The following TK2 variants were observed in gnomAD, a reference collection of about 807,000 sequenced individuals.
The protein encoded by TK2 is thymidine kinase 2, mitochondrial.
A neutral mutation model predicts 41.9 loss-of-function variants in TK2; 35 were observed. The observed-to-expected ratio is 0.84, with a 90% CI of 0.64 to 1.11. The LOEUF is 1.11. Ranked by LOEUF, TK2 falls within the 50% of genes least tolerant of loss-of-function variation. The pLI is 0.00. For missense variants in TK2, 320 were observed against 351.1 expected, an observed-to-expected ratio of 0.91 and a Z score of 0.71; for synonymous variants, 128 against 129.1, an observed-to-expected ratio of 0.99 and a Z score of 0.06.
chr16:66,521,439 C>T (rs986991793), intron 6 of TK2, among the ~76,000 whole-genome samples: 31 of 152,232 alleles, frequency 2.0e-4, no homozygotes, highest in African/African-American at 7.5e-4. Flanking sequence ...CTCTCCCTTC[C>T]CAATGCTCTT....
At chr16:66,519,985 A>G (rs1268527249) in intron 6 of TK2, among the ~76,000 whole-genome samples, 1 of 152,202 alleles carries the variant, frequency 6.6e-6, no homozygotes, top group African/African-American at 2.4e-5. Flanking sequence ...CACCAACTGG[A>G]GAGGGACATT....
At chr16:66,534,946 G>C (rs1312408338) in intron 4 of TK2, among the ~76,000 whole-genome samples, 1 of 152,202 alleles carries the variant, frequency 6.6e-6, no homozygotes, top group East Asian at 1.9e-4. Context: ...GCCTCCCAAA[G>C]TGCTGGGATT....
intron 6 of TK2, among the ~76,000 whole-genome samples, chr16:66,520,060 G>A (rs898098568): frequency 6.6e-6 from 1 of 152,232 alleles, no homozygotes; most frequent in Non-Finnish European, 1.5e-5. Flanking sequence ...AGAGGAGCGG[G>A]AGAGTGGACG....
chr16:66,549,917 CG>C lies in TK2; in HGVS notation c.124+20del. 7.4e-7 allele frequency: 1 copy of C among 1,348,548 alleles called. No individual in the cohort carries two copies. The highest frequency in any genetic ancestry group is 9.4e-7 in the Non-Finnish European group (1 of 1,058,984). 83.5% of individuals were successfully genotyped at this position (1,348,548 alleles called of 1,614,324 possible). ...TGGGCGCATAGGGGCTCCTGGGAGG[CG>C]GGACCAAGACGCGCGTTACCGGGAG... On this transcript the variant is annotated intron_variant, in intron 1 of 9. Transcript: ENST00000544898.
At chr16:66,525,864 G>A (rs1188119135) in intron 6 of TK2, among the ~76,000 whole-genome samples, 1 of 152,192 alleles carries the variant, frequency 6.6e-6, no homozygotes, top group Admixed American at 6.5e-5. Context: ...TGCATTCTGG[G>A]AGGGCCAGGG....
Position 66,542,024 on chromosome 16 carries a change from C to T in TK2, c.157-71G>A, listed in dbSNP as rs577721074. 4.0e-5 allele frequency: 61 copies of T among 1,509,436 alleles called. No homozygotes were observed. In the South Asian group the frequency reaches 5.2e-4, roughly 13 times the overall value. The allele number at this position is 1,509,436 out of a possible 1,614,324, so 93.5% of individuals were successfully genotyped here. A position where few individuals can be genotyped will look rare whatever the true frequency, so the allele number is the denominator to read the frequency against. ...GGGGAATGTCAGGGAATAATGGCTA[C>T]GGAAAGGGCTCATGTAACCAGCATA... On this transcript the variant is annotated intron_variant, in intron 2 of 9. Coordinates refer to ENST00000544898, the MANE Select transcript of TK2 (RefSeq NM_004614.5).
At position 66,511,429 on chromosome 16, in the gene TK2, G is replaced by C. The variant is rs921161942; in HGVS notation, c.*539C>G. Reference sequence around the variant, plus strand: ...GAGAGCCTCCAACCGGAAGAGGCAGGGCGGTGGGGAACAGCTCTCAGGAGG... The same window carrying C: ...GAGAGCCTCCAACCGGAAGAGGCAGCGCGGTGGGGAACAGCTCTCAGGAGG... On this transcript the variant is annotated 3_prime_UTR_variant, in exon 10 of 10. Coordinates refer to ENST00000544898, the MANE Select transcript of TK2 (RefSeq NM_004614.5). 4.8e-6 allele frequency: 1 copy of C among 208,804 alleles called. No individual in the cohort carries two copies. The highest frequency in any genetic ancestry group is 5.3e-5 in the Admixed American group (1 of 18,946). 12.9% of individuals were successfully genotyped at this position (208,804 alleles called of 1,614,324 possible).
At chr16:66,539,016 T>C (rs900815311) in intron 3 of TK2, among the ~76,000 whole-genome samples, 1 of 152,208 alleles carries the variant, frequency 6.6e-6, no homozygotes, top group African/African-American at 2.4e-5. Flanking sequence ...GGACTATTCT[T>C]GTGAGGGTGA....
chr16:66,522,860 G>A (rs536742793), intron 6 of TK2, among the ~76,000 whole-genome samples: 155 of 152,062 alleles, frequency 1.0e-3, no homozygotes, highest in Non-Finnish European at 1.5e-3. Flanking sequence ...GCAAAACTCC[G>A]TCTCAAAAAA....
chr16:66,546,950 G>T lies in TK2; in HGVS notation c.156+2028C>A, dbSNP rs115900915. ...GTATTTTTTGTAGAAACAGCATTTT[G>T]CCATGTTGCCCAGGCTGGTCTCAGA... On this transcript the variant is annotated intron_variant, in intron 2 of 9. Transcript: ENST00000544898. 8.2e-3 allele frequency among the ~76,000 whole-genome samples: 1,251 copies of T among 151,908 alleles called. 13 individuals carry two copies. Among genetic ancestry groups the T allele is most frequent in the African/African-American group, 0.029 (1,201 of 41,420 alleles).
intron 1 of TK2, chr16:66,549,527 G>A (rs1444570508): frequency 9.6e-7 from 1 of 1,041,836 alleles, no homozygotes; most frequent in African/African-American, 1.7e-5. Context: ...CCACTCCCAG[G>A]GAGGGCAGGA....
In TK2 at chr16:66,511,974, G is replaced by A. The variant is rs1332014371; in HGVS notation, c.792C>T (p.Cys264=). 2.5e-6 allele frequency: 4 copies of A among 1,613,952 alleles called. No homozygotes were observed. In the East Asian group the frequency reaches 8.9e-5, roughly 36 times the overall value. The stretch of plus-strand genomic sequence containing the variant: ...GCCATAGACCTTTTGCCTCCTATGG[G>A]CAATGCTTCCGATTCTCTGGAGTTA... ...RILTPENRKH[C]P The change falls in exon 10 of 10, where the codon TGC becomes TGT. Residue 264 remains cysteine (C), a synonymous_variant. Coordinates refer to ENST00000544898, the MANE Select transcript of TK2 (RefSeq NM_004614.5).
intron 6 of TK2, among the ~76,000 whole-genome samples, chr16:66,520,973 G>A (rs1467939154): frequency 1.3e-5 from 2 of 152,202 alleles, no homozygotes; most frequent in African/African-American, 4.8e-5. Context: ...AGAAGAGGTG[G>A]CACCAAAGGG....
upstream of TK2, chr16:66,550,275 C>G: frequency 6.3e-7 from 1 of 1,588,512 alleles, no homozygotes; most frequent in South Asian, 1.1e-5. Context: ...GCTGGCAGAA[C>G]GCACCCATAA....
At chr16:66,528,396 G>T (rs189962755) in intron 6 of TK2, among the ~76,000 whole-genome samples, 1 of 152,318 alleles carries the variant, frequency 6.6e-6, no homozygotes. Flanking sequence ...GAAGCTTTTA[G>T]TGAAAAACAC....
intron 3 of TK2, among the ~76,000 whole-genome samples, chr16:66,539,877 G>A (rs879897927): frequency 5.3e-5 from 8 of 152,158 alleles, no homozygotes; most frequent in East Asian, 3.9e-4. Flanking sequence ...CCAAAATTCC[G>A]GACTCCCAGG....
At position 66,541,958 on chromosome 16, in the gene TK2, C is replaced by CA. The variant is rs1331629600; in HGVS notation, c.157-6dup. On this transcript the variant is annotated splice_region_variant and splice_polypyrimidine_tract_variant and intron_variant, in intron 2 of 9. Transcript: ENST00000544898. ...AATATTGCCCTCGACACAGATCTGG[C>CA]AAAAGACGAATGCATATTAGAGCCA... The CA allele has an allele frequency of 1.2e-6, 2 of 1,613,904 alleles. No homozygotes were observed. The highest frequency in any genetic ancestry group is 4.5e-5 in the East Asian group (2 of 44,878).
In TK2 at chr16:66,514,553, G is replaced by C. The variant is rs889440825; in HGVS notation, c.619-742C>G. Among the ~76,000 whole-genome samples the C allele has an allele frequency of 6.6e-6, 1 of 152,198 alleles. No homozygotes were observed. Among genetic ancestry groups the C allele is most frequent in the Non-Finnish European group, 1.5e-5 (1 of 68,046 alleles). ...GCCCGGCTGCCACCCCGTCTAGGAAGTGAGGAGTGTCTCTGCCTGGCCGCC... is the reference window on the plus strand; with the variant it reads ...GCCCGGCTGCCACCCCGTCTAGGAACTGAGGAGTGTCTCTGCCTGGCCGCC... On this transcript the variant is annotated intron_variant, in intron 8 of 9. Coordinates refer to ENST00000544898, the MANE Select transcript of TK2 (RefSeq NM_004614.5). This position sits in a 1 kb window ranked among gnomAD's most constrained non-coding sequence, Gnocchi z 4.2.
chr16:66,549,132 C>A, intron 1 of TK2, 123 bp from the exon 2 acceptor site: 1 of 1,547,218 alleles, frequency 6.5e-7, no homozygotes, highest in East Asian at 2.3e-5. Context: ...AAACATTTTC[C>A]ATTTTGGGCG....
Sources: allele counts gnomAD v4.1 joint callset (sites outside exome capture counted in the v4.1 genomes callset), GRCh38; gene constraint gnomAD v4.1.1; non-coding constraint Gnocchi (gnomAD v3.1); transcripts MANE v1.5; gene names NCBI Gene and HGNC (gene_info 2026-07-23, HGNC 2026-07-21).